The following BCO1 variants were observed in gnomAD, a reference collection of about 807,000 sequenced individuals.
BCO1 encodes beta-carotene oxygenase 1, also known as beta,beta-carotene 15,15'-dioxygenase.
Under a neutral mutation model 56.3 loss-of-function variants are expected in BCO1, and 54 were observed. The observed-to-expected ratio is 0.96, with a 90% CI of 0.77 to 1.20. BCO1 has a LOEUF of 1.20. Ranked by LOEUF, BCO1 falls within the 50% of genes most tolerant of loss-of-function variation. BCO1 has a pLI of 0.00. For missense variants in BCO1, 801 were observed against 690.9 expected (o/e 1.16, Z -1.79); for synonymous variants, 318 against 266.1 (o/e 1.20, Z -1.90).
rs930964589 is a variant in BCO1, at chr16:81,285,622, A to G, written c.1290A>G (p.Pro430=). ...YVFATGVQWS[P]IPTKIIKYDI... ...TTGCTACAGGAGTTCAGTGGAGTCCAATCCCAACCAAGGTACTGGTCTCTG... is the reference window on the plus strand; with the variant it reads ...TTGCTACAGGAGTTCAGTGGAGTCCGATCCCAACCAAGGTACTGGTCTCTG... Residue 430 remains proline (P), a synonymous_variant, in exon 9 of 11, where the codon CCA becomes CCG. Transcript: ENST00000258168. 1 of 1,604,256 alleles carries G rather than the reference A, an allele frequency of 6.2e-7. No homozygotes were observed. The highest frequency in any genetic ancestry group is 1.3e-5 in the African/African-American group (1 of 74,724).
intron 9 of BCO1, 101 bp from the exon 10 acceptor site, chr16:81,287,194 G>T: frequency 2.2e-6 from 2 of 895,752 alleles, no homozygotes; most frequent in Non-Finnish European, 3.8e-6. Flanking sequence ...ACATCCGATG[G>T]GCTTCATCTC....
chr16:81,261,461 T>C (rs1906476399), intron 3 of BCO1, among the ~76,000 whole-genome samples: 1 of 152,230 alleles, frequency 6.6e-6, no homozygotes, highest in African/African-American at 2.4e-5. Flanking sequence ...GCAAAGCAGA[T>C]ATCAGCTACG....
At chr16:81,276,104 C>T (rs1907540520) in intron 7 of BCO1, among the ~76,000 whole-genome samples, 1 of 152,250 alleles carries the variant, frequency 6.6e-6, no homozygotes, top group South Asian at 2.1e-4. Context: ...TGGTTTCTGT[C>T]TCCAAATGCA....
At chr16:81,267,681 C>T (rs1204334150) in intron 5 of BCO1, among the ~76,000 whole-genome samples, 1 of 152,154 alleles carries the variant, frequency 6.6e-6, no homozygotes, top group Non-Finnish European at 1.5e-5. Flanking sequence ...GGAGGGCTCC[C>T]TCTTGGTTCA....
At chr16:81,264,299 C>T (rs1270451773) in intron 4 of BCO1, among the ~76,000 whole-genome samples, 2 of 152,152 alleles carry the variant, frequency 1.3e-5, no homozygotes, top group African/African-American at 4.8e-5. Context: ...ATCTTGTTTC[C>T]ATGTTGAGGA....
At chr16:81,253,506 GC>G (rs1308461053) in intron 2 of BCO1, among the ~76,000 whole-genome samples, 2 of 152,146 alleles carry the variant, frequency 1.3e-5, no homozygotes, top group East Asian at 3.9e-4. Flanking sequence ...AGGAATCCTG[GC>G]CATTCTGCTC....
chr16:81,238,838 G>C lies in BCO1; in HGVS notation c.-71G>C. 7.6e-7 allele frequency: 1 copy of C among 1,317,180 alleles called. No individual in the cohort carries two copies. Among genetic ancestry groups the C allele is most frequent in the Non-Finnish European group, 1.1e-6 (1 of 909,840 alleles). 81.6% of individuals were successfully genotyped at this position (1,317,180 alleles called of 1,614,324 possible). ...CAGGAAGGAAACGCAGGAGGAGGGA[G>C]CAGCATCTCCTGTGAACACAGAGGA... On this transcript the variant is annotated 5_prime_UTR_variant, in exon 1 of 11. Transcript: ENST00000258168.
At chr16:81,271,186 C>G (rs575384273) in intron 7 of BCO1, among the ~76,000 whole-genome samples, 11 of 152,106 alleles carry the variant, frequency 7.2e-5, no homozygotes, top group African/African-American at 2.7e-4. Context: ...ATGATCTAAG[C>G]TCACTGCAAC....
intron 2 of BCO1, among the ~76,000 whole-genome samples, chr16:81,249,400 G>A (rs1369799147): frequency 1.3e-5 from 2 of 152,054 alleles, no homozygotes; most frequent in Non-Finnish European, 2.9e-5. Flanking sequence ...GGGACTACAG[G>A]CTCCCACCAC....
At chr16:81,275,272 C>T (rs1322011556) in intron 7 of BCO1, among the ~76,000 whole-genome samples, 3 of 152,220 alleles carry the variant, frequency 2.0e-5, no homozygotes, top group Middle Eastern at 3.2e-3. Flanking sequence ...ACTCCTGCTC[C>T]CCCTGGCTGG....
At chr16:81,241,444 G>A (rs74403414) in intron 1 of BCO1, among the ~76,000 whole-genome samples, 3,638 of 152,272 alleles carry the variant, frequency 0.024, 140 homozygotes, top group African/African-American at 0.082. Context: ...TCTAGAACAC[G>A]AGAGGCTGAG....
At chr16:81,262,097 A>G (rs752605503) in intron 3 of BCO1, 39 bp from the exon 4 acceptor site, 68 of 1,609,864 alleles carry the variant, frequency 4.2e-5, no homozygotes, top group Non-Finnish European at 5.7e-5. Flanking sequence ...GGCTGGGTGG[A>G]CATAGCCACT....
intron 5 of BCO1, among the ~76,000 whole-genome samples, chr16:81,265,987 CATCT>C (rs1477886410): frequency 4.6e-5 from 7 of 152,314 alleles, no homozygotes; most frequent in Admixed American, 2.6e-4. Context: ...ACCCACCATC[CATCT>C]GTCTACTATC....
At chr16:81,283,488 T>C (rs775910462) in intron 8 of BCO1, among the ~76,000 whole-genome samples, 2 of 152,028 alleles carry the variant, frequency 1.3e-5, no homozygotes, top group African/African-American at 2.4e-5. Context: ...TCCCAGCTAC[T>C]TGGGAGGCTT....
intron 2 of BCO1, among the ~76,000 whole-genome samples, chr16:81,251,533 C>T (rs1427699747): frequency 6.6e-6 from 1 of 151,988 alleles, no homozygotes; most frequent in Non-Finnish European, 1.5e-5. Context: ...GCACTCCATC[C>T]TGGGTGACAG....
Position 81,262,235 on chromosome 16 carries a change from C to G in BCO1, c.423C>G (p.Thr141=). ...AAGACTTCTACGCGACCTCAGAGAC[C>G]AATTACATCAGGAAAATCAACCCAC... ...CGEDFYATSE[T]NYIRKINPQT... is the part of the protein sequence containing the mutation. Residue 141 remains threonine (T), a synonymous_variant, in exon 4 of 11, where the codon ACC becomes ACG. Transcript: ENST00000258168. 4 of 1,613,772 alleles carry G rather than the reference C, an allele frequency of 2.5e-6. No individual in the cohort carries two copies. The highest frequency in any genetic ancestry group is 4.5e-5 in the East Asian group (2 of 44,876).
intron 7 of BCO1, among the ~76,000 whole-genome samples, chr16:81,273,046 T>C (rs1450334630): frequency 2.0e-5 from 3 of 152,176 alleles, no homozygotes; most frequent in African/African-American, 7.2e-5. Flanking sequence ...CTCGGCTCAC[T>C]GCAATCTCCG....
Position 81,290,298 on chromosome 16 carries a change from C to A in BCO1, c.1415-50C>A, listed in dbSNP as rs775296256. On this transcript the variant is annotated intron_variant, in intron 10 of 10. Coordinates refer to ENST00000258168, the MANE Select transcript of BCO1 (RefSeq NM_017429.3). ...AGACATGCTGAGAAATTCATCCCTC[C>A]GACTGAAGCCTGCACTTTTACGAAG... 9 of 1,465,258 alleles carry A rather than the reference C, an allele frequency of 6.1e-6. No homozygotes were observed. The African/African-American group carries it at 1.3e-4, about 20-fold the overall frequency. The allele number at this position is 1,465,258 out of a possible 1,614,324, so 90.8% of individuals were successfully genotyped here.
At chr16:81,287,670 G>A (rs1165308991) in intron 10 of BCO1, among the ~76,000 whole-genome samples, 1 of 152,146 alleles carries the variant, frequency 6.6e-6, no homozygotes, top group Non-Finnish European at 1.5e-5. Context: ...CTCACTGCAA[G>A]TGCTTATGTT....
Sources: allele counts gnomAD v4.1 joint callset (sites outside exome capture counted in the v4.1 genomes callset), GRCh38; gene constraint gnomAD v4.1.1; transcripts MANE v1.5; gene names NCBI Gene and HGNC (gene_info 2026-07-23, HGNC 2026-07-21).